Variants in C11orf65 observed in about 807,000 individuals in gnomAD.
C11orf65 encodes chromosome 11 open reading frame 65, also known as protein MFI.
Under a neutral mutation model 35.3 loss-of-function variants are expected in C11orf65, and 38 were observed. The ratio of observed to expected loss-of-function variants is 1.08; its 90% confidence interval spans 0.83 to 1.41. C11orf65 has a LOEUF of 1.41. Among genes scored for constraint, C11orf65 ranks in the 40% most tolerant of loss-of-function variants. The probability of loss-of-function intolerance (pLI) is 0.00; values close to 1 mark genes in which losing one functional copy is unlikely to be tolerated. For missense variants in C11orf65, 370 were observed against 367.1 expected (o/e 1.01, Z -0.06); for synonymous variants, 105 against 114.4 (o/e 0.92, Z 0.53).
At chr11:108,318,286 CG>C in intron 6 of C11orf65, among the ~76,000 whole-genome samples, 1 of 151,846 alleles carries the variant, frequency 6.6e-6, no homozygotes, top group East Asian at 1.9e-4. Flanking sequence ...TGCTAGAACA[CG>C]GGAGACGGAG....
intron 1 of C11orf65, among the ~76,000 whole-genome samples, chr11:108,467,142 T>C (rs915274813): frequency 2.6e-5 from 4 of 152,224 alleles, no homozygotes; most frequent in South Asian, 2.1e-4. Context: ...GACGGAGTAA[T>C]ATCTTTGCGG....
At chr11:108,424,437 A>G (rs983681583) in intron 3 of C11orf65, among the ~76,000 whole-genome samples, 32 of 152,338 alleles carry the variant, frequency 2.1e-4, no homozygotes, top group African/African-American at 7.7e-4. Context: ...TGATTGATAT[A>G]CCTGAAAGTG....
At chr11:108,372,807 G>A (rs538894695) in intron 2 of C11orf65, among the ~76,000 whole-genome samples, 13 of 152,006 alleles carry the variant, frequency 8.6e-5, no homozygotes, top group Non-Finnish European at 1.6e-4. Flanking sequence ...GAAAGATGCC[G>A]GGCACACATC....
downstream of C11orf65, among the ~76,000 whole-genome samples, chr11:108,377,959 C>A (rs227079): frequency 0.53 from 78,925 of 149,156 alleles, 21,434 homozygotes; most frequent in Middle Eastern, 0.73. Context: ...GAACTACAAA[C>A]CACTGCTCAA....
In C11orf65 at chr11:108,359,986, C is replaced by CA. The variant is rs2090510146; in HGVS notation, c.227-24695dup. ...GGAAATAGAGACACAAAAAACCCTT[C>CA]AAAAAATTAATGAATCCAGGAGCTG... On this transcript the variant is annotated intron_variant, in intron 2 of 3. Coordinates refer to the C11orf65 transcript ENST00000524755. 2.7e-5 allele frequency among the ~76,000 whole-genome samples: 4 copies of CA among 149,672 alleles called. No homozygotes were observed. The East Asian group carries it at 7.8e-4, about 29-fold the overall frequency.
intron 2 of C11orf65, among the ~76,000 whole-genome samples, chr11:108,340,724 GA>G (rs1398075449): frequency 1.3e-5 from 2 of 152,106 alleles, no homozygotes; most frequent in African/African-American, 4.8e-5. Flanking sequence ...ATCTGTGGGG[GA>G]TTGTTTCCAG....
rs757418919 is a variant in C11orf65 at position 108,441,183 on chromosome 11, TG to T, written c.82-9346del. On this transcript the variant is annotated intron_variant, in intron 2 of 8. Coordinates refer to ENST00000393084, the MANE Select transcript of C11orf65 (RefSeq NM_152587.5). ...ACACCAGGAGATTATATCCTGCACC[TG>T]GCTCAGAGGGTCCCACACCCACGGA... Among the ~76,000 whole-genome samples, 13 of 152,234 alleles carry T rather than the reference TG, an allele frequency of 8.5e-5. 1 individual carries two copies. The East Asian group carries it at 1.2e-3, about 14-fold the overall frequency.
chr11:108,389,846 C>G (rs2092106223), intron 7 of C11orf65, among the ~76,000 whole-genome samples: 1 of 151,880 alleles, frequency 6.6e-6, no homozygotes, highest in Non-Finnish European at 1.5e-5. Context: ...AGGCACCCAC[C>G]ACCACGCCCG....
intron 3 of C11orf65, among the ~76,000 whole-genome samples, chr11:108,421,386 T>C (rs775061704): frequency 6.6e-6 from 1 of 152,190 alleles, no homozygotes; most frequent in Non-Finnish European, 1.5e-5. Flanking sequence ...CCAGGTGCGA[T>C]AGCTCACGCC....
intron 2 of C11orf65, among the ~76,000 whole-genome samples, chr11:108,356,801 G>C (rs1236165710): frequency 6.6e-6 from 1 of 152,202 alleles, no homozygotes; most frequent in Non-Finnish European, 1.5e-5. Flanking sequence ...GAGATCAAAT[G>C]AGAGAAGTGA....
chr11:108,442,566 A>G, intron 2 of C11orf65, among the ~76,000 whole-genome samples: 1 of 152,238 alleles, frequency 6.6e-6, no homozygotes, highest in East Asian at 1.9e-4. Flanking sequence ...TATTAAGGGC[A>G]GCCAGAGAGA....
At chr11:108,336,929 T>C (rs1439988153) in intron 2 of C11orf65, among the ~76,000 whole-genome samples, 1 of 152,232 alleles carries the variant, frequency 6.6e-6, no homozygotes, top group African/African-American at 2.4e-5. Context: ...TCTTTTGTGA[T>C]TTCATTCCTG....
At chr11:108,428,121 G>T (rs1404339268) in intron 3 of C11orf65, among the ~76,000 whole-genome samples, 1 of 151,846 alleles carries the variant, frequency 6.6e-6, no homozygotes, top group East Asian at 2.0e-4. Context: ...GAGCCACCGC[G>T]CCCACCCAGA....
exon 3 of C11orf65, chr11:108,335,272 T>C: frequency 6.6e-7 from 1 of 1,523,396 alleles, no homozygotes; most frequent in East Asian, 2.5e-5. Context: ...AACCAGGCTT[T>C]TCTCCATTTT....
intron 2 of C11orf65, among the ~76,000 whole-genome samples, chr11:108,443,740 A>T (rs901264102): frequency 6.6e-6 from 1 of 152,204 alleles, no homozygotes. Context: ...AACAAAATGA[A>T]GGCAGAAATA....
intron 2 of C11orf65, among the ~76,000 whole-genome samples, chr11:108,348,414 TAGAC>T (rs1255049636): frequency 4.6e-5 from 7 of 150,688 alleles, no homozygotes; most frequent in Admixed American, 4.6e-4. Context: ...TGTATATATA[TAGAC>T]AGTTTAATAT....
intron 6 of C11orf65, among the ~76,000 whole-genome samples, chr11:108,319,402 A>C (rs544319384): frequency 6.6e-6 from 1 of 152,218 alleles, no homozygotes; most frequent in South Asian, 2.1e-4. Context: ...CAAGGGCCTT[A>C]GATGTATCTT....
intron 2 of C11orf65, among the ~76,000 whole-genome samples, chr11:108,359,093 G>A (rs1411044187): frequency 1.3e-5 from 2 of 148,994 alleles, no homozygotes; most frequent in East Asian, 3.9e-4. Context: ...ATAAAAGGAT[G>A]GAGGAAGATC....
intron 5 of C11orf65, 49 bp downstream of exon 5, chr11:108,406,714 T>C: frequency 8.6e-7 from 1 of 1,163,702 alleles, no homozygotes; most frequent in Middle Eastern, 3.0e-4. Context: ...AAAAGACAAA[T>C]GGGTTTCTAA....
Sources: allele counts gnomAD v4.1 joint callset (sites outside exome capture counted in the v4.1 genomes callset), GRCh38; gene constraint gnomAD v4.1.1; transcripts MANE v1.5; gene names NCBI Gene and HGNC (gene_info 2026-07-23, HGNC 2026-07-21).